The following SLC20A2 variants were observed in gnomAD, a reference collection of about 807,000 sequenced individuals.
SLC20A2 encodes the protein solute carrier family 20 member 2.
In SLC20A2, 30 loss-of-function variants were observed where a neutral mutation model predicts 61.0. The observed-to-expected ratio is 0.49, with a 90% CI of 0.37 to 0.67. SLC20A2 has a LOEUF of 0.67. SLC20A2 is among the 30% of genes least tolerant of loss of function. The probability of loss-of-function intolerance (pLI) is 0.00; values close to 1 mark genes in which losing one functional copy is unlikely to be tolerated. For synonymous variants in SLC20A2, 351 were observed against 353.3 expected (o/e 0.99, Z 0.07); for missense variants, 626 against 866.4 (o/e 0.72, Z 3.48).
chr8:42,486,489 G>A (rs538930751), intron 1 of SLC20A2, among the ~76,000 whole-genome samples: 9 of 152,340 alleles, frequency 5.9e-5, no homozygotes, highest in African/African-American at 1.7e-4. Context: ...GAGCTGCCAC[G>A]TCTGCCTTCC....
intron 3 of SLC20A2, among the ~76,000 whole-genome samples, chr8:42,464,510 C>T (rs1198902557): frequency 6.6e-6 from 1 of 152,052 alleles, no homozygotes; most frequent in Admixed American, 6.6e-5. Context: ...AGGCATCTTC[C>T]TCACTTGTGC....
intron 1 of SLC20A2, among the ~76,000 whole-genome samples, chr8:42,500,630 A>G (rs1278152445): frequency 6.6e-6 from 1 of 152,260 alleles, no homozygotes; most frequent in Non-Finnish European, 1.5e-5. Flanking sequence ...ATAAACTTGT[A>G]GCACAGAGTA....
intron 1 of SLC20A2, among the ~76,000 whole-genome samples, chr8:42,540,112 T>C (rs1812991636): frequency 6.6e-6 from 1 of 152,190 alleles, no homozygotes; most frequent in Admixed American, 6.5e-5. Context: ...GCCAACATGG[T>C]GAAACTCCGT....
chr8:42,460,118 A>T, intron 4 of SLC20A2, 126 bp from the exon 5 acceptor site: 1 of 608,010 alleles, frequency 1.6e-6, no homozygotes, highest in Non-Finnish European at 3.0e-6. Flanking sequence ...GGCCAAAAGG[A>T]TGGGCGTTGT....
At position 42,447,168 on chromosome 8, in the gene SLC20A2, C is replaced by A. The variant is rs182350115; in HGVS notation, c.614-2406G>T. On this transcript the variant is annotated intron_variant, in intron 5 of 10. Coordinates refer to ENST00000520262, the MANE Select transcript of SLC20A2 (RefSeq NM_001257180.2). The stretch of plus-strand genomic sequence containing the variant: ...ACCATCCTGAGCAACATAGTGAGAC[C>A]CTGTCTCTACAAAATAAAAACAAAA... Among the ~76,000 whole-genome samples, 175 of 151,344 alleles carry A rather than the reference C, an allele frequency of 1.2e-3. 1 individual carries two copies. Among genetic ancestry groups the A allele is most frequent in the African/African-American group, 4.0e-3 (167 of 41,268 alleles).
intron 1 of SLC20A2, among the ~76,000 whole-genome samples, chr8:42,534,394 A>T (rs1812578571): frequency 6.6e-6 from 1 of 152,264 alleles, no homozygotes; most frequent in South Asian, 2.1e-4. Context: ...CATTTTCTAT[A>T]CATTTCTACT....
chr8:42,481,645 C>T (rs1197959058), intron 1 of SLC20A2, among the ~76,000 whole-genome samples: 1 of 152,178 alleles, frequency 6.6e-6, no homozygotes, highest in East Asian at 1.9e-4. Context: ...CCAGAGACCA[C>T]AGGGCCAGGA....
chr8:42,489,523 A>G lies in SLC20A2; in HGVS notation c.-265+11508T>C, dbSNP rs184324931. On this transcript the variant is annotated intron_variant, in intron 1 of 10. Transcript: ENST00000520262. Reference sequence around the variant, plus strand: ...TTGAAAACTGGATCTTTTAAATAATAAACTGTAACAATTCTGCTCACTGAT... The same window carrying G: ...TTGAAAACTGGATCTTTTAAATAATGAACTGTAACAATTCTGCTCACTGAT... Among the ~76,000 whole-genome samples, 483 of 151,298 alleles carry G rather than the reference A, an allele frequency of 3.2e-3. 2 individuals are homozygous for G. Among genetic ancestry groups the G allele is most frequent in the African/African-American group, 0.011 (441 of 41,208 alleles).
At chr8:42,424,556 T>C in intron 10 of SLC20A2, among the ~76,000 whole-genome samples, 1 of 152,184 alleles carries the variant, frequency 6.6e-6, no homozygotes, top group East Asian at 1.9e-4. Flanking sequence ...TGATATGAAA[T>C]ACAAAATATA....
Position 42,439,446 on chromosome 8 carries a change from T to G in SLC20A2, c.934+4A>C. On this transcript the variant is annotated splice_donor_region_variant and intron_variant, in intron 7 of 10. Coordinates refer to ENST00000520262, the MANE Select transcript of SLC20A2 (RefSeq NM_001257180.2). ...AGAACCCAAGCTCTCCAGGCACATC[T>G]TACCGTATGCAGCCCGAGGGTGGCT... 1 of 1,612,904 alleles carries G rather than the reference T, an allele frequency of 6.2e-7. No individual in the cohort carries two copies. The highest frequency in any genetic ancestry group is 8.5e-7 in the Non-Finnish European group (1 of 1,179,930).
intron 1 of SLC20A2, among the ~76,000 whole-genome samples, chr8:42,522,948 C>T (rs1206783388): frequency 1.3e-5 from 2 of 149,940 alleles, no homozygotes; most frequent in Admixed American, 6.6e-5. Flanking sequence ...TAGTCTTGAA[C>T]TCCTGGCCTC....
Position 42,416,938 on chromosome 8 carries a change from G to A in SLC20A2, c.*865C>T, listed in dbSNP as rs547697683. 2 of 152,924 alleles carry A rather than the reference G, an allele frequency of 1.3e-5. No individual in the cohort carries two copies. The highest frequency in any genetic ancestry group is 2.4e-5 in the African/African-American group (1 of 41,590). The allele number at this position is 152,924 out of a possible 1,614,324, so 9.5% of individuals were successfully genotyped here. On this transcript the variant is annotated 3_prime_UTR_variant, in exon 11 of 11. Transcript: ENST00000520262. ...ACAAGGAAAGGCCACTGCAAGGTGG[G>A]TGGGATCTGGGGTGTGGTGGCGGTG...
intron 1 of SLC20A2, among the ~76,000 whole-genome samples, chr8:42,527,411 A>G (rs1812040813): frequency 6.6e-6 from 1 of 151,478 alleles, no homozygotes; most frequent in African/African-American, 2.4e-5. Context: ...GATGTGGAGT[A>G]TACAGGAGCT....
intron 1 of SLC20A2, among the ~76,000 whole-genome samples, chr8:42,479,263 C>G (rs1808385281): frequency 6.6e-6 from 1 of 152,166 alleles, no homozygotes; most frequent in African/African-American, 2.4e-5. Context: ...TGGGGAACCA[C>G]AGACTGAACA....
At chr8:42,500,986 G>T (rs1810280873) in intron 1 of SLC20A2, 45 bp downstream of exon 1, 1 of 152,110 alleles carries the variant, frequency 6.6e-6, no homozygotes, top group Admixed American at 6.6e-5. Flanking sequence ...AAGATTTAAG[G>T]AGAAAAGAAC....
chr8:42,437,446 C>T lies in SLC20A2; in HGVS notation c.1066G>A (p.Asp356Asn). The T allele has an allele frequency of 6.2e-7, 1 of 1,614,104 alleles. No individual in the cohort carries two copies. Among genetic ancestry groups the T allele is most frequent in the Non-Finnish European group, 8.5e-7 (1 of 1,180,018 alleles). ...TVHKDSGLYK[D>N]LLHKIHIDRG... is the part of the protein sequence containing the mutation. ...TCGATGTGGATTTTGTGCAGCAGATCTTTGTAGAGCCCCGAGTCTTTGTGC... is the reference window on the plus strand; with the variant it reads ...TCGATGTGGATTTTGTGCAGCAGATTTTTGTAGAGCCCCGAGTCTTTGTGC... The change falls in exon 8 of 11, where the codon GAT becomes AAT. Residue 356 changes from aspartate (D) to asparagine (N), a missense_variant. Coordinates refer to ENST00000520262, the MANE Select transcript of SLC20A2 (RefSeq NM_001257180.2). The surrounding 1 kb of genome is among the most constrained non-coding windows in gnomAD (Gnocchi z 6.4).
rs377688149 is a variant in SLC20A2 at position 42,486,962 on chromosome 8, GT to G, written c.-265+14068del. ...GCCCACCACAACCTCCACCTCCTGG[GT>G]TCAAGTGATTCTCCTGCCTCAGCCT... On this transcript the variant is annotated intron_variant, in intron 1 of 10. Coordinates refer to ENST00000520262, the MANE Select transcript of SLC20A2 (RefSeq NM_001257180.2). Among the ~76,000 whole-genome samples the G allele has an allele frequency of 2.3e-4, 35 of 152,184 alleles. 1 individual carries two copies. Among genetic ancestry groups the G allele is most frequent in the African/African-American group, 8.2e-4 (34 of 41,512 alleles).
intron 1 of SLC20A2, among the ~76,000 whole-genome samples, chr8:42,531,149 G>T (rs895978876): frequency 6.6e-6 from 1 of 152,180 alleles, no homozygotes; most frequent in Non-Finnish European, 1.5e-5. Flanking sequence ...AGAGAGAAAG[G>T]ACCATACCTT....
chr8:42,460,598 TG>T (rs1402222714), intron 4 of SLC20A2, among the ~76,000 whole-genome samples: 1 of 152,264 alleles, frequency 6.6e-6, no homozygotes, highest in African/African-American at 2.4e-5. Context: ...TAAAAAGAAC[TG>T]CAGTTCCTTG....
Sources: gnomAD v4.1 joint callset for allele counts (sites outside exome capture counted in the v4.1 genomes callset) on GRCh38, gnomAD v4.1.1 for gene constraint, Gnocchi (gnomAD v3.1) non-coding constraint, MANE v1.5 for transcripts, NCBI Gene and HGNC (gene_info 2026-07-23, HGNC 2026-07-21) for gene names.